RABGAP1L: variants seen among roughly 807,000 people sequenced by gnomAD.
The protein encoded by RABGAP1L is RAB GTPase activating protein 1 like, also known as rab GTPase-activating protein 1-like.
A neutral mutation model predicts 137.7 loss-of-function variants in RABGAP1L; 63 were observed. The ratio of observed to expected loss-of-function variants is 0.46; its 90% CI spans 0.37 to 0.56. The LOEUF (loss-of-function observed/expected upper bound fraction) is 0.56, where lower values mean the gene tolerates loss of function less well. Ranked by LOEUF, RABGAP1L falls within the 20% of genes least tolerant of loss-of-function variation. The pLI, the probability that RABGAP1L is intolerant of heterozygous loss-of-function variation, is 0.00. For synonymous variants in RABGAP1L, 431 were observed against 433.7 expected, an observed-to-expected ratio of 0.99 and a Z score of 0.08; for missense variants, 1,095 against 1,244.0, an observed-to-expected ratio of 0.88 and a Z score of 1.80.
At chr1:174,501,217 T>C (rs1392084879) in intron 13 of RABGAP1L, among the ~76,000 whole-genome samples, 1 of 125,944 alleles carries the variant, frequency 7.9e-6, no homozygotes, top group East Asian at 2.1e-4. Context: ...TTGTTTACTC[T>C]TTTTTTTTTT....
rs544841844 is a variant in RABGAP1L at position 174,613,361 on chromosome 1, G to A, written c.1711-24014G>A. Among the ~76,000 whole-genome samples, 231 of 152,294 alleles carry A rather than the reference G, an allele frequency of 1.5e-3. 1 individual carries two copies. The highest frequency in any genetic ancestry group is 2.4e-3 in the Non-Finnish European group (163 of 68,032). On this transcript the variant is annotated intron_variant, in intron 13 of 25. Coordinates refer to ENST00000681986, the MANE Select transcript of RABGAP1L (RefSeq NM_001366446.1). ...GGTTGTTCAGTTTCCATGTAGTTGA[G>A]TGATTTTGAGTGAGTTTCTTAATCC...
At chr1:174,227,782 T>C (rs976795606) in intron 3 of RABGAP1L, among the ~76,000 whole-genome samples, 2 of 152,132 alleles carry the variant, frequency 1.3e-5, no homozygotes, top group Non-Finnish European at 2.9e-5. Flanking sequence ...TTTGTTACCT[T>C]CTAGATTTTA....
intron 7 of RABGAP1L, among the ~76,000 whole-genome samples, chr1:174,254,643 T>G (rs1672970705): frequency 6.6e-6 from 1 of 152,168 alleles, no homozygotes; most frequent in Non-Finnish European, 1.5e-5. Flanking sequence ...CAGCTTCATC[T>G]ATGTCCCTGC....
At chr1:174,651,790 A>C (rs922766978) in intron 14 of RABGAP1L, among the ~76,000 whole-genome samples, 1 of 152,124 alleles carries the variant, frequency 6.6e-6, no homozygotes, top group Non-Finnish European at 1.5e-5. Context: ...TCTTTATCCA[A>C]TTTGCAAGTC....
At chr1:174,379,218 T>C (rs1228780060) in intron 12 of RABGAP1L, among the ~76,000 whole-genome samples, 18 of 149,208 alleles carry the variant, frequency 1.2e-4, no homozygotes, top group South Asian at 2.1e-4. Context: ...AGTCAGGTAG[T>C]GTGATGCCTC....
At chr1:174,612,220 G>A (rs897209966) in intron 13 of RABGAP1L, among the ~76,000 whole-genome samples, 4 of 152,116 alleles carry the variant, frequency 2.6e-5, no homozygotes, top group African/African-American at 4.8e-5. Context: ...ATTATTTTGA[G>A]ATATGTCCCA....
intron 13 of RABGAP1L, among the ~76,000 whole-genome samples, chr1:174,631,767 T>C (rs1420499251): frequency 6.7e-6 from 1 of 148,556 alleles, no homozygotes; most frequent in Non-Finnish European, 1.5e-5. Flanking sequence ...TCCATCCTTT[T>C]ATTTTGAGCC....
rs150851568 is a variant in RABGAP1L at position 174,877,290 on chromosome 1, A to T, written c.2340+65330A>T. The T allele has an allele frequency of 9.4e-4, 816 of 871,520 alleles. 6 individuals carry two copies. The highest frequency in any genetic ancestry group is 8.3e-3 in the African/African-American group (490 of 59,018). The allele number at this position is 871,520 out of a possible 1,614,324, so 54.0% of individuals were successfully genotyped here. ...GATAAGAAACCTCTTTTAGTTTCCTACTGGGGGTGAATTGCTAGCCAAGCC... is the reference window on the plus strand; with the variant it reads ...GATAAGAAACCTCTTTTAGTTTCCTTCTGGGGGTGAATTGCTAGCCAAGCC... On this transcript the variant is annotated intron_variant, in intron 19 of 25. Transcript: ENST00000681986.
chr1:174,916,900 C>A (rs1294870895), intron 19 of RABGAP1L, among the ~76,000 whole-genome samples: 3 of 152,184 alleles, frequency 2.0e-5, no homozygotes, highest in Non-Finnish European at 4.4e-5. Flanking sequence ...CTGCCATAAC[C>A]AAACACCGTA....
chr1:174,953,406 TTTA>T (rs1236859816), intron 19 of RABGAP1L, among the ~76,000 whole-genome samples: 1 of 152,182 alleles, frequency 6.6e-6, no homozygotes, highest in African/African-American at 2.4e-5. Flanking sequence ...TGCTCTGTCT[TTTA>T]CTGTTATTGA....
chr1:174,828,817 C>T (rs1691836229), intron 19 of RABGAP1L, among the ~76,000 whole-genome samples: 1 of 147,844 alleles, frequency 6.8e-6, no homozygotes, highest in Non-Finnish European at 1.5e-5. Flanking sequence ...CACTAGAGCA[C>T]CACTGTTGGC....
intron 13 of RABGAP1L, among the ~76,000 whole-genome samples, chr1:174,604,387 G>C (rs895546212): frequency 5.9e-5 from 9 of 152,158 alleles, no homozygotes; most frequent in African/African-American, 2.2e-4. Context: ...CACACATACT[G>C]TCTCTCTGTG....
intron 19 of RABGAP1L, among the ~76,000 whole-genome samples, chr1:174,819,045 T>C (rs1460967152): frequency 1.3e-5 from 2 of 151,714 alleles, no homozygotes; most frequent in Non-Finnish European, 2.9e-5. Flanking sequence ...TATCTGGGCA[T>C]GGTGGCACAT....
At chr1:174,699,981 A>T (rs1235572905) in intron 16 of RABGAP1L, among the ~76,000 whole-genome samples, 1 of 152,208 alleles carries the variant, frequency 6.6e-6, no homozygotes, top group African/African-American at 2.4e-5. Flanking sequence ...AATACCTAAG[A>T]GCTTTCTGCA....
intron 18 of RABGAP1L, among the ~76,000 whole-genome samples, chr1:174,786,289 T>C (rs1477406495): frequency 6.6e-6 from 1 of 152,246 alleles, no homozygotes; most frequent in Non-Finnish European, 1.5e-5. Flanking sequence ...GTGGACATTG[T>C]TTAAAAAGCT....
intron 13 of RABGAP1L, among the ~76,000 whole-genome samples, chr1:174,404,024 C>T (rs913291039): frequency 2.6e-5 from 4 of 152,098 alleles, no homozygotes; most frequent in Non-Finnish European, 5.9e-5. Flanking sequence ...TTCACCAACT[C>T]TTGATTGATC....
chr1:174,687,472 G>A (rs1678562459), intron 15 of RABGAP1L, among the ~76,000 whole-genome samples: 1 of 152,194 alleles, frequency 6.6e-6, no homozygotes, highest in Admixed American at 6.5e-5. Context: ...TTAATTGGCA[G>A]TATGTTTGAT....
At chr1:174,915,182 G>C (rs1660658375) in intron 19 of RABGAP1L, among the ~76,000 whole-genome samples, 1 of 152,094 alleles carries the variant, frequency 6.6e-6, no homozygotes. Flanking sequence ...TTTCTCTTGG[G>C]TTGATGCCTA....
chr1:174,866,201 A>G (rs1318861077), intron 19 of RABGAP1L, among the ~76,000 whole-genome samples: 1 of 149,136 alleles, frequency 6.7e-6, no homozygotes, highest in Admixed American at 6.8e-5. Flanking sequence ...TTAAACTTCA[A>G]CCATAACGTT....
Sources: allele counts gnomAD v4.1 joint callset (sites outside exome capture counted in the v4.1 genomes callset), GRCh38; gene constraint gnomAD v4.1.1; transcripts MANE v1.5; gene names NCBI Gene and HGNC (gene_info 2026-07-23, HGNC 2026-07-21).